Variants in GALNT17 observed in about 807,000 individuals in gnomAD.
The protein encoded by GALNT17 is polypeptide N-acetylgalactosaminyltransferase 17.
In GALNT17, 29 loss-of-function variants were observed where a neutral mutation model predicts 63.7. The observed-to-expected ratio is 0.46, with a 90% CI of 0.34 to 0.62. GALNT17 has a LOEUF of 0.62. Among genes scored for constraint, GALNT17 ranks in the 20% least tolerant of loss-of-function variants. The pLI is 0.01. For missense variants in GALNT17, 603 were observed against 799.6 expected (o/e 0.75, Z 2.97); for synonymous variants, 305 against 318.3 (o/e 0.96, Z 0.45).
intron 3 of GALNT17, among the ~76,000 whole-genome samples, chr7:71,408,755 T>C (rs1196538001): frequency 6.6e-6 from 1 of 151,836 alleles, no homozygotes; most frequent in Non-Finnish European, 1.5e-5. Flanking sequence ...TGCAGGTAGT[T>C]CCAGGTACTC....
intron 5 of GALNT17, among the ~76,000 whole-genome samples, chr7:71,501,104 G>A (rs1178667810): frequency 6.6e-6 from 1 of 152,020 alleles, no homozygotes; most frequent in Non-Finnish European, 1.5e-5. Context: ...TGAGTAGCTG[G>A]GATTACACGC....
Position 71,712,168 on chromosome 7 carries a change from G to A in GALNT17, c.*22G>A. On this transcript the variant is annotated 3_prime_UTR_variant, in exon 11 of 11. Transcript: ENST00000333538. Reference sequence around the variant, plus strand: ...GTAGAGGGAGGGAGCTGGGGCACTGGAGCCTGGCCCCCAGGACATGGCTGC... The same window carrying A: ...GTAGAGGGAGGGAGCTGGGGCACTGAAGCCTGGCCCCCAGGACATGGCTGC... 1 of 1,606,460 alleles carries A rather than the reference G, an allele frequency of 6.2e-7. No individual in the cohort carries two copies. Among genetic ancestry groups the A allele is most frequent in the Non-Finnish European group, 8.5e-7 (1 of 1,175,834 alleles).
At chr7:71,270,315 A>T (rs900624646) in intron 1 of GALNT17, among the ~76,000 whole-genome samples, 1 of 152,026 alleles carries the variant, frequency 6.6e-6, no homozygotes, top group African/African-American at 2.4e-5. Flanking sequence ...CGAGGTCAGG[A>T]GATTGAGACC....
At chr7:71,519,008 T>C (rs533927280) in intron 5 of GALNT17, among the ~76,000 whole-genome samples, 2 of 152,316 alleles carry the variant, frequency 1.3e-5, no homozygotes, top group East Asian at 3.9e-4. Flanking sequence ...AGTGTCATGG[T>C]TGAGGATTAT....
At chr7:71,488,720 C>T (rs1464714508) in intron 5 of GALNT17, among the ~76,000 whole-genome samples, 1 of 151,150 alleles carries the variant, frequency 6.6e-6, no homozygotes, top group African/African-American at 2.4e-5. Flanking sequence ...CTTGGGACTA[C>T]AGGCGAGCAC....
chr7:71,521,658 C>T lies in GALNT17; in HGVS notation c.963-49627C>T, dbSNP rs144514359. 4.6e-5 allele frequency among the ~76,000 whole-genome samples: 7 copies of T among 152,278 alleles called. No homozygotes were observed. In the South Asian group the frequency reaches 6.2e-4, roughly 14 times the overall value. ...CTGTTTTTTCTTCCTGGCCTTCTCACGCCCAGGCCCTGAGCCCAGTGGATT... is the reference window on the plus strand; with the variant it reads ...CTGTTTTTTCTTCCTGGCCTTCTCATGCCCAGGCCCTGAGCCCAGTGGATT... On this transcript the variant is annotated intron_variant, in intron 5 of 10. Transcript: ENST00000333538.
rs145648432 is a variant in GALNT17 at position 71,372,544 on chromosome 7, C to T, written c.423-15691C>T. On this transcript the variant is annotated intron_variant, in intron 2 of 10. Coordinates refer to ENST00000333538, the MANE Select transcript of GALNT17 (RefSeq NM_022479.3). The stretch of plus-strand genomic sequence containing the variant: ...ACAGCTCTCTGCAACCTCTTCCTCC[C>T]GGGCTCAAGTGGTCCTCCCGCCTCA... 4.6e-3 allele frequency among the ~76,000 whole-genome samples: 700 copies of T among 152,198 alleles called. 9 individuals carry two copies. Among genetic ancestry groups the T allele is most frequent in the African/African-American group, 0.016 (651 of 41,538 alleles).
intron 3 of GALNT17, among the ~76,000 whole-genome samples, chr7:71,403,548 A>C (rs1284898082): frequency 6.6e-6 from 1 of 152,188 alleles, no homozygotes; most frequent in Non-Finnish European, 1.5e-5. Context: ...GCTGCTATTG[A>C]TAGAACACTC....
chr7:71,268,903 C>T (rs1790538198), intron 1 of GALNT17, among the ~76,000 whole-genome samples: 1 of 152,226 alleles, frequency 6.6e-6, no homozygotes, highest in Non-Finnish European at 1.5e-5. Flanking sequence ...TCTAGCATGA[C>T]CAGCAGATGT....
chr7:71,575,392 ATTT>A (rs10591768), intron 6 of GALNT17, among the ~76,000 whole-genome samples: 2 of 128,192 alleles, frequency 1.6e-5, no homozygotes. Context: ...TATTTTCTTG[ATTT>A]TTTTTTTTTT....
At chr7:71,236,760 G>A (rs976876754) in intron 1 of GALNT17, among the ~76,000 whole-genome samples, 2 of 152,140 alleles carry the variant, frequency 1.3e-5, no homozygotes, top group African/African-American at 2.4e-5. Flanking sequence ...GACCTCCCTC[G>A]CAGCACTTCT....
At chr7:71,417,567 G>A (rs1786559650) in intron 4 of GALNT17, among the ~76,000 whole-genome samples, 1 of 152,108 alleles carries the variant, frequency 6.6e-6, no homozygotes, top group Non-Finnish European at 1.5e-5. Flanking sequence ...AAATTCCTGG[G>A]CTCCACTCAG....
At chr7:71,191,728 A>T (rs1292897320) in intron 1 of GALNT17, among the ~76,000 whole-genome samples, 1 of 152,194 alleles carries the variant, frequency 6.6e-6, no homozygotes, top group East Asian at 1.9e-4. Context: ...GAAAAGAGCA[A>T]CTGTGTCTGC....
rs184453661 is a variant in GALNT17, at chr7:71,496,882, T to C, written c.963-74403T>C. On this transcript the variant is annotated intron_variant, in intron 5 of 10. Transcript: ENST00000333538. ...CGAGGCCAGGAGTCTGAGACCAGCC[T>C]GGGCAAAGTAGCGAGACCATGTCTA... Among the ~76,000 whole-genome samples the C allele has an allele frequency of 2.6e-3, 396 of 151,716 alleles. 8 individuals are homozygous for C. In the East Asian group the frequency reaches 0.037, roughly 14 times the overall value.
intron 5 of GALNT17, among the ~76,000 whole-genome samples, chr7:71,501,544 A>G (rs1425399735): frequency 1.3e-5 from 2 of 152,186 alleles, no homozygotes; most frequent in East Asian, 3.9e-4. Context: ...GTGGGATGAG[A>G]GGTGTGCACC....
intron 1 of GALNT17, among the ~76,000 whole-genome samples, chr7:71,238,433 C>G (rs545419690): frequency 6.6e-6 from 1 of 152,168 alleles, no homozygotes; most frequent in Non-Finnish European, 1.5e-5. Context: ...GACCATAACT[C>G]ACTGCACCCT....
intron 1 of GALNT17, among the ~76,000 whole-genome samples, chr7:71,321,310 ATT>A: frequency 6.6e-6 from 1 of 152,080 alleles, no homozygotes; most frequent in Admixed American, 6.6e-5. Context: ...ACTCTTCTTT[ATT>A]TGGTTAGAAA....
chr7:71,397,941 T>TTTGTTG (rs111851668), intron 3 of GALNT17, among the ~76,000 whole-genome samples: 1,707 of 150,792 alleles, frequency 0.011, 27 homozygotes, highest in South Asian at 0.03. Flanking sequence ...CATTATTGTC[T>TTTGTTG]TTGTTGTTGT....
chr7:71,421,391 A>C (rs1563080267), intron 5 of GALNT17, among the ~76,000 whole-genome samples: 1 of 152,156 alleles, frequency 6.6e-6, no homozygotes, highest in Non-Finnish European at 1.5e-5. Context: ...TATAGGAGGA[A>C]CTGCGTTCAG....
Sources: allele counts gnomAD v4.1 joint callset (sites outside exome capture counted in the v4.1 genomes callset), GRCh38; gene constraint gnomAD v4.1.1; transcripts MANE v1.5; gene names NCBI Gene and HGNC (gene_info 2026-07-23, HGNC 2026-07-21).